Variants in ZNF500 observed in about 807,000 individuals in gnomAD.
The protein encoded by ZNF500 is zinc finger protein 500, also known as zinc finger protein with KRAB and SCAN domains 18.
A neutral mutation model predicts 30.1 loss-of-function variants in ZNF500; 31 were observed. The observed-to-expected ratio is 1.03, with a 90% CI of 0.77 to 1.39. ZNF500 has a LOEUF of 1.39. ZNF500 is among the 40% of genes most tolerant of loss of function. The probability of loss-of-function intolerance (pLI) is 0.00; values close to 1 mark genes in which losing one functional copy is unlikely to be tolerated. For missense variants in ZNF500, 817 were observed against 657.8 expected (o/e 1.24, Z -2.65); for synonymous variants, 392 against 282.0 (o/e 1.39, Z -3.91).
intron 5 of ZNF500, among the ~76,000 whole-genome samples, chr16:4,757,129 C>G (rs868244074): frequency 3.9e-5 from 6 of 152,180 alleles, no homozygotes; most frequent in Middle Eastern, 3.2e-3. Context: ...ATACGAAACG[C>G]CACTGAACCG....
Position 4,763,705 on chromosome 16 carries a change from CAGA to C in ZNF500, c.415-952_415-950del, listed in dbSNP as rs957946206. 3.1e-6 allele frequency: 3 copies of C among 982,096 alleles called. No individual in the cohort carries two copies. In the African/African-American group the frequency reaches 5.3e-5, roughly 17 times the overall value. 60.8% of individuals were successfully genotyped at this position (982,096 alleles called of 1,614,324 possible). ...GTGTGCAGAGGTGTCGGTGCAGTGACAGAAGGAAGCCATGCCGGGAACCCCAAA... is the reference window on the plus strand; with the variant it reads ...GTGTGCAGAGGTGTCGGTGCAGTGACAGGAAGCCATGCCGGGAACCCCAAA... On this transcript the variant is annotated intron_variant, in intron 2 of 5. Transcript: ENST00000219478.
intron 4 of ZNF500, among the ~76,000 whole-genome samples, chr16:4,761,614 G>A (rs542657531): frequency 3.6e-4 from 54 of 151,754 alleles, no homozygotes; most frequent in African/African-American, 1.3e-3. Context: ...GGGAGACTTA[G>A]GCAAGAGGAT....
In ZNF500 at chr16:4,760,506, G is replaced by A. The variant is rs770982153; in HGVS notation, c.746C>T (p.Pro249Leu). ...RCMDPAQRDA[P>L]LENEGPGIQL... ...TTGCAAGTTACCTTCATTCTCCAGC[G>A]GCGCGTCCCGCTGAGCTGGGTCCAT... is the stretch of plus-strand genomic sequence containing the variant. Residue 249 changes from proline to leucine, a missense_variant, in exon 5 of 6, where the codon CCG (proline) becomes CTG (leucine). Transcript: ENST00000219478. 13 of 1,613,382 alleles carry A rather than the reference G, an allele frequency of 8.1e-6. No homozygotes were observed. Among genetic ancestry groups the A allele is most frequent in the African/African-American group, 5.3e-5 (4 of 74,896 alleles).
At chr16:4,747,508 T>G (rs761465767), downstream of ZNF500, 1 of 1,613,250 alleles carries the variant, frequency 6.2e-7, no homozygotes, top group East Asian at 2.2e-5. Context: ...TGAAGCTCTG[T>G]GCCAAGGGGC....
At chr16:4,763,071 CAGA>C in intron 2 of ZNF500, 2 of 985,458 alleles carry the variant, frequency 2.0e-6, no homozygotes, top group Non-Finnish European at 2.4e-6. Context: ...GGACTAATTT[CAGA>C]AGTTCACAGA....
At chr16:4,746,422 T>G (rs1428088110), downstream of ZNF500, 2 of 1,613,464 alleles carry the variant, frequency 1.2e-6, no homozygotes, top group Non-Finnish European at 1.7e-6. Flanking sequence ...GGCCCGCAGC[T>G]GGCCCAGGGC....
intron 4 of ZNF500, among the ~76,000 whole-genome samples, chr16:4,761,134 G>A (rs1226192648): frequency 6.6e-6 from 1 of 152,102 alleles, no homozygotes; most frequent in Non-Finnish European, 1.5e-5. Flanking sequence ...GGTTTTCGGG[G>A]AGGGTCTAAA....
At chr16:4,744,823 A>T (rs553406000), downstream of ZNF500, 1 of 1,581,394 alleles carries the variant, frequency 6.3e-7, no homozygotes, top group South Asian at 1.1e-5. Context: ...GTAAGTCACA[A>T]GTGGGCCAAG....
At position 4,752,253 on chromosome 16, in the gene ZNF500, C is replaced by G. The variant is rs1056253804; in HGVS notation, c.*123G>C. ...GGCATCCCAAATGTCCCCTGCTGGC[C>G]TCATACTGGGCCATGGGAGGAAACG... On this transcript the variant is annotated 3_prime_UTR_variant, in exon 6 of 6. Transcript: ENST00000219478. 8 of 1,428,316 alleles carry G rather than the reference C, an allele frequency of 5.6e-6. No homozygotes were observed. Among genetic ancestry groups the G allele is most frequent in the Non-Finnish European group, 7.3e-6 (8 of 1,097,066 alleles). 88.5% of individuals were successfully genotyped at this position (1,428,316 alleles called of 1,614,324 possible).
rs1307424520 is a variant in ZNF500 at position 4,748,314 on chromosome 16, G to C, written c.*4062C>G. ...AATCCTCCTGCCTAGGCCTTCCACA[G>C]TGCTGGGATTATAGCACTGTGAGCT... On this transcript the variant is annotated 3_prime_UTR_variant, in exon 6 of 6. Coordinates refer to ENST00000219478, the MANE Select transcript of ZNF500 (RefSeq NM_021646.4). The C allele has an allele frequency of 2.7e-5, 4 of 149,590 alleles. No individual in the cohort carries two copies. The Admixed American group carries it at 2.7e-4, about 10-fold the overall frequency. The allele number at this position is 149,590 out of a possible 1,614,324, so 9.3% of individuals were successfully genotyped here.
At chr16:4,763,854 G>A (rs184851214) in intron 2 of ZNF500, 2 of 985,442 alleles carry the variant, frequency 2.0e-6, no homozygotes, top group Admixed American at 6.1e-5. Flanking sequence ...CAAGCATTAG[G>A]GGATGTGCCT....
intron 5 of ZNF500, among the ~76,000 whole-genome samples, chr16:4,756,805 C>T (rs1221518380): frequency 3.3e-5 from 5 of 151,972 alleles, no homozygotes; most frequent in African/African-American, 4.8e-5. Context: ...CGTGAGACAC[C>T]GTGCCCGGCC....
chr16:4,752,172 C>T lies in ZNF500; in HGVS notation c.*204G>A, dbSNP rs1184145849. On this transcript the variant is annotated 3_prime_UTR_variant, in exon 6 of 6. Transcript: ENST00000219478. The stretch of plus-strand genomic sequence containing the variant: ...CCTGTTCTGGCTGCCACTGGACACT[C>T]AGAGCCTGTCCTTGCCCTTGTTCTG... 7.1e-7 allele frequency: 1 copy of T among 1,400,428 alleles called. No individual in the cohort carries two copies. Among genetic ancestry groups the T allele is most frequent in the African/African-American group, 1.4e-5 (1 of 69,150 alleles). The allele number at this position is 1,400,428 out of a possible 1,614,324, so 86.8% of individuals were successfully genotyped here. A position where few individuals can be genotyped will look rare whatever the true frequency, so the allele number is the denominator to read the frequency against.
downstream of ZNF500, chr16:4,746,904 G>C: frequency 6.5e-7 from 1 of 1,528,478 alleles, no homozygotes; most frequent in African/African-American, 1.4e-5. Flanking sequence ...GGCACATCCA[G>C]AAACCCATTT....
At chr16:4,757,466 C>G (rs547852820) in intron 5 of ZNF500, among the ~76,000 whole-genome samples, 1 of 152,100 alleles carries the variant, frequency 6.6e-6, no homozygotes, top group South Asian at 2.1e-4. Context: ...GCATGCACCA[C>G]TTTTGTATTT....
rs1470588908 is a variant in ZNF500, at chr16:4,751,135, C to T, written c.*1241G>A. ...ACTGCCTGGCTGGAACGTTCCAGAA[C>T]CCAGTGGTTTCCATAGCTGCCCTAC... On this transcript the variant is annotated 3_prime_UTR_variant, in exon 6 of 6. Transcript: ENST00000219478. The T allele has an allele frequency of 6.2e-6, 1 of 161,928 alleles. No individual in the cohort carries two copies. The highest frequency in any genetic ancestry group is 1.3e-5 in the Non-Finnish European group (1 of 74,676). 10.0% of individuals were successfully genotyped at this position (161,928 alleles called of 1,614,324 possible).
At chr16:4,766,550 G>T (rs1429429766) in intron 1 of ZNF500, among the ~76,000 whole-genome samples, 2 of 152,200 alleles carry the variant, frequency 1.3e-5, no homozygotes, top group Non-Finnish European at 2.9e-5. Context: ...GAACCCGGGA[G>T]ATGGAGGTTG....
Position 4,762,338 on chromosome 16 carries a change from G to T in ZNF500, c.599-3C>A. The stretch of plus-strand genomic sequence containing the variant: ...CTGATGCCGGGGAGCTGGAGGGCCT[G>T]GGAAGGAGCAGAGTCACCACCAGTC... On this transcript the variant is annotated splice_region_variant and splice_polypyrimidine_tract_variant and intron_variant, in intron 3 of 5. Coordinates refer to ENST00000219478, the MANE Select transcript of ZNF500 (RefSeq NM_021646.4). 6.2e-7 allele frequency: 1 copy of T among 1,604,594 alleles called. No individual in the cohort carries two copies. The highest frequency in any genetic ancestry group is 2.2e-5 in the East Asian group (1 of 44,450).
rs533829014 is a variant in ZNF500, at chr16:4,752,906, C to G, written c.913G>C (p.Asp305His). 20 of 1,613,902 alleles carry G rather than the reference C, an allele frequency of 1.2e-5. No homozygotes were observed. The highest frequency in any genetic ancestry group is 1.6e-5 in the Non-Finnish European group (19 of 1,180,022). ...GGTGGGGGGCCGCCTCTTGGCTGAT[C>G]AGGCCTGACCAAGCCCCTGACTGGG... ...PAPVRGLVRP[D>H]QPRGGPPPGR... Residue 305 changes from aspartate (D) to histidine (H), a missense_variant, in exon 6 of 6, where the codon GAT becomes CAT. Asp to His is a moderately conservative substitution (Grantham distance 81). Coordinates refer to ENST00000219478, the MANE Select transcript of ZNF500 (RefSeq NM_021646.4).
Sources: allele counts gnomAD v4.1 joint callset (sites outside exome capture counted in the v4.1 genomes callset), GRCh38; gene constraint gnomAD v4.1.1; transcripts MANE v1.5; gene names NCBI Gene and HGNC (gene_info 2026-07-23, HGNC 2026-07-21).